Variants in FSTL5 observed in about 807,000 individuals in gnomAD.
FSTL5 encodes follistatin like 5.
Under a neutral mutation model 89.1 loss-of-function variants are expected in FSTL5, and 62 were observed. That is an observed-to-expected ratio of 0.70 (90% CI 0.57 to 0.86). The LOEUF (loss-of-function observed/expected upper bound fraction) is 0.86, where lower values mean the gene tolerates loss of function less well. FSTL5 is among the 40% of genes least tolerant of loss of function. The pLI, the probability that FSTL5 is intolerant of heterozygous loss-of-function variation, is 0.00. For synonymous variants in FSTL5, 383 were observed against 346.2 expected, an observed-to-expected ratio of 1.11 and a Z score of -1.18; for missense variants, 1,057 against 1,001.6, an observed-to-expected ratio of 1.06 and a Z score of -0.75.
chr4:161,824,657 T>G (rs538515501), intron 4 of FSTL5, among the ~76,000 whole-genome samples: 1 of 152,196 alleles, frequency 6.6e-6, no homozygotes, highest in East Asian at 1.9e-4. Context: ...TTCACCTCCT[T>G]GGTTAGGTAT....
intron 10 of FSTL5, among the ~76,000 whole-genome samples, chr4:161,512,119 C>A (rs1229978817): frequency 1.3e-5 from 2 of 152,058 alleles, no homozygotes; most frequent in African/African-American, 4.8e-5. Flanking sequence ...AGTCTGCACA[C>A]ACAATGCAAA....
chr4:162,060,530 T>C (rs1738688113), intron 2 of FSTL5, among the ~76,000 whole-genome samples: 1 of 152,076 alleles, frequency 6.6e-6, no homozygotes, highest in African/African-American at 2.4e-5. Context: ...TTTCATATGC[T>C]AATATTGTTC....
chr4:161,929,030 T>C (rs547996397), intron 3 of FSTL5, among the ~76,000 whole-genome samples: 1 of 151,884 alleles, frequency 6.6e-6, no homozygotes, highest in East Asian at 1.9e-4. Flanking sequence ...GCATATTGCA[T>C]TTAAATTTGT....
intron 3 of FSTL5, among the ~76,000 whole-genome samples, chr4:162,015,045 T>C (rs752389711): frequency 6.6e-6 from 1 of 152,178 alleles, no homozygotes; most frequent in African/African-American, 2.4e-5. Flanking sequence ...TTCAGAAGCA[T>C]CAATGGCTGG....
At chr4:161,511,251 CT>C (rs780260314) in intron 10 of FSTL5, among the ~76,000 whole-genome samples, 1 of 152,072 alleles carries the variant, frequency 6.6e-6, no homozygotes. Context: ...AACTTAATGA[CT>C]TTTTTTTCCA....
At chr4:161,944,294 G>C (rs1023012992) in intron 3 of FSTL5, among the ~76,000 whole-genome samples, 2 of 151,936 alleles carry the variant, frequency 1.3e-5, no homozygotes, top group African/African-American at 4.8e-5. Flanking sequence ...ATGGTCTTCT[G>C]TGTTGGCCTC....
chr4:162,041,074 T>C (rs112181856), intron 2 of FSTL5, among the ~76,000 whole-genome samples: 1 of 151,906 alleles, frequency 6.6e-6, no homozygotes, highest in Non-Finnish European at 1.5e-5. Context: ...TGATATTCAA[T>C]AGTGGAATTA....
chr4:161,825,125 CT>C (rs1198577766), intron 4 of FSTL5, among the ~76,000 whole-genome samples: 5 of 152,182 alleles, frequency 3.3e-5, no homozygotes, highest in Non-Finnish European at 5.9e-5. Flanking sequence ...TTGTCAAATG[CT>C]TTTTCTGCAT....
chr4:162,053,003 G>C (rs1417962836), intron 2 of FSTL5, among the ~76,000 whole-genome samples: 1 of 151,660 alleles, frequency 6.6e-6, no homozygotes, highest in African/African-American at 2.4e-5. Flanking sequence ...GTTACATAGG[G>C]AATTGTGACA....
chr4:161,483,523 C>G (rs912288335), intron 12 of FSTL5, among the ~76,000 whole-genome samples: 1 of 152,192 alleles, frequency 6.6e-6, no homozygotes, highest in Non-Finnish European at 1.5e-5. Flanking sequence ...CCCTATAAGA[C>G]ATCCTTGACC....
In FSTL5 at chr4:161,427,299, G is replaced by A. The variant is rs568266605; in HGVS notation, c.1841+27705C>T. ...AGCTCAACAGATCTTCTCCTCTGGGGAGCTTAATTTGACAAGGGTCCCACA... is the reference window on the plus strand; with the variant it reads ...AGCTCAACAGATCTTCTCCTCTGGGAAGCTTAATTTGACAAGGGTCCCACA... On this transcript the variant is annotated intron_variant, in intron 15 of 15. Transcript: ENST00000306100. 1.2e-4 allele frequency among the ~76,000 whole-genome samples: 19 copies of A among 152,300 alleles called. No individual in the cohort carries two copies. The East Asian group carries it at 3.1e-3, about 25-fold the overall frequency.
chr4:161,400,457 A>C (rs985096334), intron 15 of FSTL5, among the ~76,000 whole-genome samples: 1 of 152,084 alleles, frequency 6.6e-6, no homozygotes, highest in Non-Finnish European at 1.5e-5. Flanking sequence ...TGCTTCAGTA[A>C]AAAGACTCAT....
At chr4:161,807,228 C>CACAT (rs1415201641) in intron 4 of FSTL5, among the ~76,000 whole-genome samples, 1 of 140,458 alleles carries the variant, frequency 7.1e-6, no homozygotes, top group African/African-American at 2.5e-5. Flanking sequence ...CACACACACA[C>CACAT]ATATATATTT....
At chr4:162,143,537 A>C (rs908135331) in intron 1 of FSTL5, among the ~76,000 whole-genome samples, 2 of 152,108 alleles carry the variant, frequency 1.3e-5, no homozygotes, top group African/African-American at 2.4e-5. Context: ...TATCAATTTA[A>C]ATGTCCAAAG....
intron 15 of FSTL5, among the ~76,000 whole-genome samples, chr4:161,404,112 G>A (rs930028790): frequency 2.0e-5 from 3 of 152,176 alleles, no homozygotes; most frequent in African/African-American, 7.2e-5. Flanking sequence ...TAGTCTTGAA[G>A]TTCCCTGAAG....
intron 4 of FSTL5, among the ~76,000 whole-genome samples, chr4:161,878,091 T>G (rs892604450): frequency 2.0e-5 from 3 of 152,060 alleles, no homozygotes; most frequent in African/African-American, 2.4e-5. Flanking sequence ...CATAAAAAAT[T>G]TTCTGCTCTT....
At chr4:161,668,798 T>G (rs2126695376) in intron 6 of FSTL5, among the ~76,000 whole-genome samples, 1 of 152,146 alleles carries the variant, frequency 6.6e-6, no homozygotes, top group East Asian at 1.9e-4. Context: ...ATTTTAAAAC[T>G]TGGATGAATT....
chr4:161,632,851 A>C (rs776390747), intron 7 of FSTL5, among the ~76,000 whole-genome samples: 4 of 152,226 alleles, frequency 2.6e-5, no homozygotes, highest in Non-Finnish European at 5.9e-5. Context: ...AATTTAAACG[A>C]GGACCAAAGA....
chr4:161,894,738 TAC>T (rs1733101598), intron 4 of FSTL5, among the ~76,000 whole-genome samples: 1 of 152,186 alleles, frequency 6.6e-6, no homozygotes, highest in African/African-American at 2.4e-5. Context: ...GTGCTGGGAT[TAC>T]AGGCATGAGC....
Sources: gnomAD v4.1 joint callset for allele counts (sites outside exome capture counted in the v4.1 genomes callset) on GRCh38, gnomAD v4.1.1 for gene constraint, MANE v1.5 for transcripts, NCBI Gene and HGNC (gene_info 2026-07-23, HGNC 2026-07-21) for gene names.